The following GPC5 variants were observed in gnomAD, a reference collection of about 807,000 sequenced individuals.
GPC5 encodes glypican-5.
A neutral mutation model predicts 53.9 loss-of-function variants in GPC5; 47 were observed. That is an observed-to-expected ratio of 0.87 (90% CI 0.69 to 1.11). The LOEUF is 1.11. GPC5 is among the 50% of genes most tolerant of loss of function. The pLI is 0.00. For synonymous variants in GPC5, 286 were observed against 263.3 expected, an observed-to-expected ratio of 1.09 and a Z score of -0.84; for missense variants, 748 against 713.1, an observed-to-expected ratio of 1.05 and a Z score of -0.56.
chr13:91,688,555 A>G (rs1314821773), intron 2 of GPC5, among the ~76,000 whole-genome samples: 4 of 152,202 alleles, frequency 2.6e-5, no homozygotes, highest in Non-Finnish European at 4.4e-5. Context: ...AATGCAATAA[A>G]TTACTTAAAT....
At chr13:91,777,735 C>A (rs1002333473) in intron 5 of GPC5, among the ~76,000 whole-genome samples, 1 of 146,476 alleles carries the variant, frequency 6.8e-6, no homozygotes, top group Non-Finnish European at 1.5e-5. Context: ...ATTTTTTTTT[C>A]ATTTAATCCC....
At chr13:92,663,921 A>C in intron 7 of GPC5, among the ~76,000 whole-genome samples, 1 of 131,078 alleles carries the variant, frequency 7.6e-6, no homozygotes, top group Non-Finnish European at 1.6e-5. Context: ...CACACACAAA[A>C]ATTAGCTCGG....
intron 3 of GPC5, among the ~76,000 whole-genome samples, chr13:91,720,600 C>A (rs1259021318): frequency 1.3e-5 from 2 of 152,062 alleles, no homozygotes; most frequent in Non-Finnish European, 2.9e-5. Context: ...TGTTGAAAAC[C>A]ACATTTTTGT....
At chr13:92,096,727 A>T (rs1008528993) in intron 6 of GPC5, among the ~76,000 whole-genome samples, 2 of 152,230 alleles carry the variant, frequency 1.3e-5, no homozygotes, top group Non-Finnish European at 2.9e-5. Flanking sequence ...GAAGACCTTT[A>T]ACAGACACCA....
At chr13:92,605,405 C>G (rs1404683305) in intron 7 of GPC5, among the ~76,000 whole-genome samples, 1 of 152,046 alleles carries the variant, frequency 6.6e-6, no homozygotes, top group African/African-American at 2.4e-5. Context: ...GTTTTCTTCC[C>G]CTAAAATAAA....
In GPC5 at chr13:92,512,234, ATGTG is replaced by A. The variant is rs1555339433; in HGVS notation, c.1562-354035_1562-354032del. On this transcript the variant is annotated intron_variant, in intron 7 of 7. Coordinates refer to ENST00000377067, the MANE Select transcript of GPC5 (RefSeq NM_004466.6). ...AATTTTTTTTTATTTTGTAGATTGT[ATGTG>A]TGTGTGTGTGTGCGCGCGCGCGCGC... is the stretch of plus-strand genomic sequence containing the variant. Among the ~76,000 whole-genome samples the A allele has an allele frequency of 1.0e-4, 15 of 148,808 alleles. No individual in the cohort carries two copies. The South Asian group carries it at 1.5e-3, about 15-fold the overall frequency.
intron 7 of GPC5, among the ~76,000 whole-genome samples, chr13:92,772,075 A>G (rs928024379): frequency 2.6e-5 from 4 of 152,068 alleles, no homozygotes; most frequent in African/African-American, 9.7e-5. Context: ...GTAGACACAA[A>G]TTTCAAGATA....
At chr13:91,913,718 A>G (rs1377107579) in intron 6 of GPC5, among the ~76,000 whole-genome samples, 2 of 152,236 alleles carry the variant, frequency 1.3e-5, no homozygotes, top group African/African-American at 4.8e-5. Context: ...TGTGACTCTG[A>G]CATCTTTCTC....
intron 2 of GPC5, among the ~76,000 whole-genome samples, chr13:91,518,715 G>A (rs778857996): frequency 2.0e-4 from 30 of 152,088 alleles, no homozygotes; most frequent in Non-Finnish European, 4.1e-4. Flanking sequence ...ACTATGCCTG[G>A]CTAATATTTT....
chr13:92,593,791 A>G (rs1235592706), intron 7 of GPC5, among the ~76,000 whole-genome samples: 1 of 152,178 alleles, frequency 6.6e-6, no homozygotes, highest in African/African-American at 2.4e-5. Flanking sequence ...CAACAGCATC[A>G]AATGCTCTGA....
Position 92,801,226 on chromosome 13 carries a change from A to G in GPC5, c.1562-65056A>G, listed in dbSNP as rs1203303279. ...ACAGTCTACCTACATATACCTATAG[A>G]TATATATACATATCTATATTTATAC... On this transcript the variant is annotated intron_variant, in intron 7 of 7. Transcript: ENST00000377067. Among the ~76,000 whole-genome samples the G allele has an allele frequency of 3.3e-5, 5 of 151,674 alleles. No individual in the cohort carries two copies. In the East Asian group the frequency reaches 7.8e-4, roughly 24 times the overall value.
chr13:92,590,441 T>G (rs1883677970), intron 7 of GPC5, among the ~76,000 whole-genome samples: 1 of 152,224 alleles, frequency 6.6e-6, no homozygotes, highest in South Asian at 2.1e-4. Flanking sequence ...ACAGGAGACC[T>G]TTCCCAACAT....
At chr13:92,048,892 C>T (rs1016449004) in intron 6 of GPC5, among the ~76,000 whole-genome samples, 2 of 152,074 alleles carry the variant, frequency 1.3e-5, no homozygotes, top group Non-Finnish European at 2.9e-5. Flanking sequence ...ACAGTTTTTC[C>T]TTAACAAGAA....
intron 3 of GPC5, among the ~76,000 whole-genome samples, chr13:91,698,572 C>A (rs191478): frequency 6.6e-6 from 1 of 151,948 alleles, no homozygotes; most frequent in African/African-American, 2.4e-5. Flanking sequence ...ATATATTTTC[C>A]TACAATATGG....
chr13:91,497,073 G>GT (rs202129545), intron 2 of GPC5, among the ~76,000 whole-genome samples: 2,283 of 149,770 alleles, frequency 0.015, 58 homozygotes, highest in African/African-American at 0.051. Flanking sequence ...CCTCTAAGTT[G>GT]TTTTTTTTTA....
At chr13:92,586,504 A>G (rs1009876584) in intron 7 of GPC5, among the ~76,000 whole-genome samples, 5 of 152,234 alleles carry the variant, frequency 3.3e-5, no homozygotes, top group African/African-American at 1.2e-4. Flanking sequence ...TGTCCTGATG[A>G]AATTTTGCAT....
intron 7 of GPC5, among the ~76,000 whole-genome samples, chr13:92,325,525 T>C (rs903904895): frequency 2.0e-5 from 3 of 152,098 alleles, no homozygotes; most frequent in Non-Finnish European, 4.4e-5. Context: ...AGGATGATTG[T>C]ATTCACTGTG....
intron 6 of GPC5, among the ~76,000 whole-genome samples, chr13:91,943,618 G>A (rs2039948181): frequency 6.6e-6 from 1 of 152,128 alleles, no homozygotes; most frequent in Non-Finnish European, 1.5e-5. Context: ...CTCAATTTTT[G>A]TGGATTAACT....
intron 7 of GPC5, among the ~76,000 whole-genome samples, chr13:92,734,089 G>A (rs1403266048): frequency 6.6e-6 from 1 of 151,738 alleles, no homozygotes. Context: ...TTTTCTTTGT[G>A]ATATTGGCCT....
Sources: allele counts gnomAD v4.1 joint callset (sites outside exome capture counted in the v4.1 genomes callset), GRCh38; gene constraint gnomAD v4.1.1; transcripts MANE v1.5; gene names NCBI Gene and HGNC (gene_info 2026-07-23, HGNC 2026-07-21).